The following PIP5K1B variants were observed in gnomAD, a reference collection of about 807,000 sequenced individuals.
PIP5K1B encodes the protein phosphatidylinositol 4-phosphate 5-kinase type-1 beta.
A neutral mutation model predicts 67.0 loss-of-function variants in PIP5K1B; 42 were observed. The observed-to-expected ratio is 0.63, with a 90% confidence interval of 0.49 to 0.81. The LOEUF is 0.81. Among genes scored for constraint, PIP5K1B ranks in the 30% least tolerant of loss-of-function variants. PIP5K1B has a pLI of 0.00. For missense variants in PIP5K1B, 459 were observed against 646.3 expected (o/e 0.71, Z 3.14); for synonymous variants, 214 against 231.4 (o/e 0.92, Z 0.68).
At chr9:68,979,197 G>C (rs1163346609) in intron 14 of PIP5K1B, among the ~76,000 whole-genome samples, 3 of 152,160 alleles carry the variant, frequency 2.0e-5, no homozygotes, top group African/African-American at 4.8e-5. Context: ...AATATGTGTA[G>C]GACAGGTTAC....
rs1822224462 is a variant in PIP5K1B, at chr9:68,847,005, TCCCTA to T, written c.70-16828_70-16824del. Among the ~76,000 whole-genome samples, 4 of 152,218 alleles carry T rather than the reference TCCCTA, an allele frequency of 2.6e-5. No homozygotes were observed. The South Asian group carries it at 8.3e-4, about 32-fold the overall frequency. ...ACAAGTGGGAAAAAACATCCAGTGATCCCTACCCCAATAAGAAGCTTCATTTTTAT... is the reference window on the plus strand; with the variant it reads ...ACAAGTGGGAAAAAACATCCAGTGATCCCCAATAAGAAGCTTCATTTTTAT... On this transcript the variant is annotated intron_variant, in intron 4 of 15. Transcript: ENST00000265382.
Position 68,991,219 on chromosome 9 carries a change from G to A in PIP5K1B, c.1582G>A (p.Val528Met), listed in dbSNP as rs768841383. 1.9e-6 allele frequency: 3 copies of A among 1,610,500 alleles called. No individual in the cohort carries two copies. The highest frequency in any genetic ancestry group is 1.1e-5 in the South Asian group (1 of 91,044). The change falls in exon 15 of 16, where the codon GTG becomes ATG. Residue 528 changes from valine (V) to methionine (M), a missense_variant. Physicochemically the swap from Val to Met is conservative, Grantham distance 21 (BLOSUM62 1). This residue lies in a region of PIP5K1B where 169 missense variants were observed against 171.9 expected (regional missense o/e 0.98). Coordinates refer to ENST00000265382, the MANE Select transcript of PIP5K1B (RefSeq NM_003558.4). ...GACCGCTGAGCCCAACACTCTGGAAGTGCAGGATGACAATGCTTCTGTGCT... is the reference window on the plus strand; with the variant it reads ...GACCGCTGAGCCCAACACTCTGGAAATGCAGGATGACAATGCTTCTGTGCT... ...YLTAEPNTLE[V>M]QDDNASVLDV...
At chr9:68,859,166 C>A (rs77465623) in intron 4 of PIP5K1B, among the ~76,000 whole-genome samples, 19,255 of 152,166 alleles carry the variant, frequency 0.13, 1,339 homozygotes, top group Non-Finnish European at 0.16. Context: ...CATTAGAAAC[C>A]CTATGTAGCT....
chr9:68,948,054 T>C (rs1182157485), intron 14 of PIP5K1B, among the ~76,000 whole-genome samples: 4 of 152,198 alleles, frequency 2.6e-5, no homozygotes, highest in Non-Finnish European at 1.5e-5. Context: ...CAACATCTTA[T>C]CTGAATCTTT....
intron 4 of PIP5K1B, among the ~76,000 whole-genome samples, chr9:68,833,108 C>A (rs1834405206): frequency 6.6e-6 from 1 of 152,150 alleles, no homozygotes; most frequent in East Asian, 1.9e-4. Context: ...AGTCCCTGCC[C>A]CTAATAATGC....
At chr9:68,909,545 T>A (rs538425780) in intron 8 of PIP5K1B, among the ~76,000 whole-genome samples, 1 of 152,358 alleles carries the variant, frequency 6.6e-6, no homozygotes, top group South Asian at 2.1e-4. Flanking sequence ...TTAAATAGAA[T>A]CTACTTGCTA....
intron 3 of PIP5K1B, among the ~76,000 whole-genome samples, chr9:68,820,834 T>C (rs537263021): frequency 6.6e-6 from 1 of 152,300 alleles, no homozygotes; most frequent in Middle Eastern, 3.4e-3. Flanking sequence ...AATCTTATCA[T>C]TAGGAAGAGA....
At chr9:68,778,819 C>G (rs914499250) in intron 2 of PIP5K1B, among the ~76,000 whole-genome samples, 1 of 152,238 alleles carries the variant, frequency 6.6e-6, no homozygotes, top group Non-Finnish European at 1.5e-5. Context: ...TTCAGCGGCA[C>G]TGCCCTTTTT....
chr9:68,989,705 C>G (rs1225405325), intron 14 of PIP5K1B, among the ~76,000 whole-genome samples: 1 of 152,180 alleles, frequency 6.6e-6, no homozygotes, highest in Non-Finnish European at 1.5e-5. Context: ...GCAAGCTGGG[C>G]ACAGTGGCTC....
At chr9:68,744,297 A>G (rs1050171024) in intron 2 of PIP5K1B, among the ~76,000 whole-genome samples, 1 of 152,196 alleles carries the variant, frequency 6.6e-6, no homozygotes, top group Non-Finnish European at 1.5e-5. Flanking sequence ...TCTGCCTTGA[A>G]CAAATAGGTT....
intron 15 of PIP5K1B, among the ~76,000 whole-genome samples, chr9:68,991,856 T>G (rs1262543077): frequency 6.6e-6 from 1 of 152,186 alleles, no homozygotes; most frequent in Non-Finnish European, 1.5e-5. Flanking sequence ...TTAATCGAAC[T>G]GTTAGATAAT....
intron 14 of PIP5K1B, among the ~76,000 whole-genome samples, chr9:68,987,188 G>T (rs1200962808): frequency 6.6e-6 from 1 of 151,954 alleles, no homozygotes; most frequent in Admixed American, 6.5e-5. Flanking sequence ...GGAGGCGGAG[G>T]TTGCAGTGAA....
intron 12 of PIP5K1B, among the ~76,000 whole-genome samples, chr9:68,928,574 G>A (rs1321031860): frequency 6.6e-6 from 1 of 152,022 alleles, no homozygotes; most frequent in African/African-American, 2.4e-5. Flanking sequence ...TGAAGTGAGG[G>A]AGATCTAACC....
chr9:68,771,960 C>T (rs759136833), intron 2 of PIP5K1B, among the ~76,000 whole-genome samples: 5 of 152,148 alleles, frequency 3.3e-5, no homozygotes, highest in Non-Finnish European at 5.9e-5. Flanking sequence ...AACACACCCA[C>T]CCTTCTTTTT....
intron 3 of PIP5K1B, 31 bp from the exon 4 acceptor site, chr9:68,822,583 GA>G: frequency 6.7e-7 from 1 of 1,493,634 alleles, no homozygotes; most frequent in Non-Finnish European, 9.3e-7. Flanking sequence ...GAGTAACATT[GA>G]AGTTCAAAGG....
At position 68,919,738 on chromosome 9, in the gene PIP5K1B, C is replaced by G; in HGVS notation, c.1116+9C>G. The G allele has an allele frequency of 6.9e-7, 1 of 1,458,478 alleles. No individual in the cohort carries two copies. Among genetic ancestry groups the G allele is most frequent in the Non-Finnish European group, 9.6e-7 (1 of 1,040,586 alleles). The allele number at this position is 1,458,478 out of a possible 1,614,324, so 90.3% of individuals were successfully genotyped here. ...CTCTTGTTTATGATGGGGTAAGTGA[C>G]TTATTTTCCTTATTATACTGTATAT... On this transcript the variant is annotated intron_variant, in intron 11 of 15. Coordinates refer to ENST00000265382, the MANE Select transcript of PIP5K1B (RefSeq NM_003558.4).
chr9:68,903,755 T>C (rs1825477727), intron 8 of PIP5K1B, among the ~76,000 whole-genome samples: 1 of 152,214 alleles, frequency 6.6e-6, no homozygotes, highest in Non-Finnish European at 1.5e-5. Flanking sequence ...AGTAAGACAA[T>C]TCCCAAATTT....
Position 68,779,137 on chromosome 9 carries a change from A to C in PIP5K1B, c.-86+36480A>C, listed in dbSNP as rs548823615. 1.2e-3 allele frequency among the ~76,000 whole-genome samples: 176 copies of C among 152,252 alleles called. 1 individual carries two copies. The highest frequency in any genetic ancestry group is 4.1e-3 in the African/African-American group (169 of 41,522). On this transcript the variant is annotated intron_variant, in intron 2 of 15. Coordinates refer to ENST00000265382, the MANE Select transcript of PIP5K1B (RefSeq NM_003558.4). Reference sequence around the variant, plus strand: ...CACATAGTAAGTATGCTGAAAAAAAAAAACCTTGACTGACTGAATAAATGA... The same window carrying C: ...CACATAGTAAGTATGCTGAAAAAAACAAACCTTGACTGACTGAATAAATGA...
chr9:68,814,229 G>A (rs539340564), intron 2 of PIP5K1B, among the ~76,000 whole-genome samples: 2 of 152,188 alleles, frequency 1.3e-5, no homozygotes, highest in East Asian at 3.9e-4. Context: ...AGCAAGCCGA[G>A]CGAAAAAATG....
Sources: gnomAD v4.1 joint callset for allele counts (sites outside exome capture counted in the v4.1 genomes callset) on GRCh38, gnomAD v4.1.1 for gene constraint, gnomAD v4.1.1 regional missense constraint, MANE v1.5 for transcripts, NCBI Gene and HGNC (gene_info 2026-07-23, HGNC 2026-07-21) for gene names.